SOX5: variants seen among roughly 807,000 people sequenced by gnomAD.
SOX5 encodes transcription factor SOX-5.
In SOX5, 9 loss-of-function variants were observed where a neutral mutation model predicts 92.0. The observed-to-expected ratio is 0.10, with a 90% CI of 0.06 to 0.17. SOX5 has a LOEUF of 0.17. SOX5 is among the 10% of genes least tolerant of loss of function. The pLI is 1.00. For missense variants in SOX5, 642 were observed against 944.5 expected (o/e 0.68, Z 4.20); for synonymous variants, 344 against 336.3 (o/e 1.02, Z -0.25).
chr12:24,507,870 CCTT>C (rs1948947916), intron 1 of SOX5, among the ~76,000 whole-genome samples: 1 of 152,142 alleles, frequency 6.6e-6, no homozygotes, highest in Non-Finnish European at 1.5e-5. Flanking sequence ...CTTTCCATCT[CCTT>C]CTGTAAATAT....
chr12:23,741,676 A>G (rs2093801863), intron 4 of SOX5, among the ~76,000 whole-genome samples: 1 of 152,228 alleles, frequency 6.6e-6, no homozygotes. Context: ...CCATATGCCA[A>G]TTCAGAGTCT....
chr12:23,656,846 C>T (rs547612086), intron 7 of SOX5, among the ~76,000 whole-genome samples: 1 of 151,894 alleles, frequency 6.6e-6, no homozygotes, highest in Non-Finnish European at 1.5e-5. Flanking sequence ...ATGGTAGTTA[C>T]ACCTGGGTAG....
intron 4 of SOX5, among the ~76,000 whole-genome samples, chr12:24,059,886 AT>A (rs1272324758): frequency 6.6e-6 from 1 of 152,232 alleles, no homozygotes; most frequent in Admixed American, 6.5e-5. Context: ...TTCTTCACAA[AT>A]TTATAGCTTC....
chr12:23,710,277 C>G lies in SOX5; in HGVS notation c.810+24407G>C, dbSNP rs571850898. ...TTATTATACTTTAAGTTCTAGGGTA[C>G]ATGTGCACAACGTGCAGGTTTGTTA... On this transcript the variant is annotated intron_variant, in intron 6 of 14. Transcript: ENST00000451604. 6.6e-5 allele frequency among the ~76,000 whole-genome samples: 10 copies of G among 152,206 alleles called. No individual in the cohort carries two copies. In the East Asian group the frequency reaches 1.9e-3, roughly 29 times the overall value.
intron 6 of SOX5, among the ~76,000 whole-genome samples, chr12:23,706,508 GA>G (rs1238680408): frequency 6.6e-6 from 1 of 151,914 alleles, no homozygotes; most frequent in Non-Finnish European, 1.5e-5. Context: ...TTAAAAGTTG[GA>G]AAGTCTAGAA....
chr12:23,805,839 C>T (rs2095760273), intron 3 of SOX5, among the ~76,000 whole-genome samples: 1 of 152,128 alleles, frequency 6.6e-6, no homozygotes, highest in Non-Finnish European at 1.5e-5. Context: ...CAAACTTCAG[C>T]TTTAATATTT....
chr12:24,557,196 T>A (rs1478069326), intron 1 of SOX5, among the ~76,000 whole-genome samples: 1 of 152,096 alleles, frequency 6.6e-6, no homozygotes. Flanking sequence ...GAGACCACTC[T>A]GACCAACATA....
chr12:23,865,197 A>G (rs2096797760), intron 2 of SOX5, among the ~76,000 whole-genome samples: 1 of 152,186 alleles, frequency 6.6e-6, no homozygotes, highest in South Asian at 2.1e-4. Context: ...GTTGAGACCT[A>G]CTTCACAAAA....
At chr12:24,553,101 A>G (rs1403181530) in intron 1 of SOX5, among the ~76,000 whole-genome samples, 1 of 152,146 alleles carries the variant, frequency 6.6e-6, no homozygotes. Context: ...TTCAATAACT[A>G]TTTCTCATCT....
At chr12:23,740,514 A>G (rs1192803822) in intron 5 of SOX5, among the ~76,000 whole-genome samples, 1 of 152,218 alleles carries the variant, frequency 6.6e-6, no homozygotes, top group Admixed American at 6.5e-5. Context: ...TCTTCAAAGC[A>G]TATCTCAAAT....
At chr12:23,853,763 A>G in intron 2 of SOX5, among the ~76,000 whole-genome samples, 1 of 152,152 alleles carries the variant, frequency 6.6e-6, no homozygotes, top group East Asian at 1.9e-4. Flanking sequence ...TTGTGCTGTG[A>G]CAGCCTCATT....
At chr12:23,593,251 G>C (rs1256115406) in intron 9 of SOX5, among the ~76,000 whole-genome samples, 1 of 152,036 alleles carries the variant, frequency 6.6e-6, no homozygotes, top group Non-Finnish European at 1.5e-5. Flanking sequence ...AACAATTCAG[G>C]TAATGTAAAT....
chr12:24,206,392 T>G (rs1343308182), intron 4 of SOX5, among the ~76,000 whole-genome samples: 4 of 152,228 alleles, frequency 2.6e-5, no homozygotes, highest in Non-Finnish European at 4.4e-5. Flanking sequence ...GTTTGACTCC[T>G]ATTCCTAATA....
chr12:23,869,757 C>T (rs544428545), intron 2 of SOX5, among the ~76,000 whole-genome samples: 3 of 152,102 alleles, frequency 2.0e-5, no homozygotes, highest in Non-Finnish European at 4.4e-5. Flanking sequence ...TAGTACTGCT[C>T]TAGAATCATA....
chr12:24,103,878 T>C (rs578216982), intron 4 of SOX5, among the ~76,000 whole-genome samples: 7 of 152,086 alleles, frequency 4.6e-5, no homozygotes, highest in African/African-American at 1.7e-4. Flanking sequence ...TGAAAAAAAA[T>C]GCCAATGTTT....
intron 1 of SOX5, among the ~76,000 whole-genome samples, chr12:24,530,166 T>C (rs1951064574): frequency 6.6e-6 from 1 of 152,098 alleles, no homozygotes; most frequent in Non-Finnish European, 1.5e-5. Flanking sequence ...CAACACAAGG[T>C]ATGAACAACT....
At chr12:24,170,578 G>A (rs1418363271) in intron 4 of SOX5, among the ~76,000 whole-genome samples, 2 of 152,068 alleles carry the variant, frequency 1.3e-5, no homozygotes, top group Non-Finnish European at 2.9e-5. Flanking sequence ...ACACCCCGTC[G>A]GCCCACACAT....
chr12:23,794,461 A>T (rs144674555), intron 3 of SOX5, among the ~76,000 whole-genome samples: 25 of 152,218 alleles, frequency 1.6e-4, no homozygotes, highest in Admixed American at 1.1e-3. Context: ...GGTTAAATGA[A>T]ATGACATAAG....
intron 1 of SOX5, among the ~76,000 whole-genome samples, chr12:23,946,284 C>T (rs1172006561): frequency 1.3e-5 from 2 of 151,946 alleles, no homozygotes; most frequent in Admixed American, 1.3e-4. Flanking sequence ...TTTTTTTCTC[C>T]TTTCTAGACA....
Sources: allele counts gnomAD v4.1 joint callset (sites outside exome capture counted in the v4.1 genomes callset), GRCh38; gene constraint gnomAD v4.1.1; transcripts MANE v1.5; gene names NCBI Gene and HGNC (gene_info 2026-07-23, HGNC 2026-07-21).